KCNH2: variants seen among roughly 807,000 people sequenced by gnomAD.
The protein encoded by KCNH2 is voltage-gated inwardly rectifying potassium channel KCNH2.
KCNH2 carries 35 observed loss-of-function variants against 95.9 expected under a neutral mutation model. That is an observed-to-expected ratio of 0.37 (90% CI 0.28 to 0.48). The LOEUF (loss-of-function observed/expected upper bound fraction) is 0.48, where lower values mean the gene tolerates loss of function less well. KCNH2 is among the 20% of genes least tolerant of loss of function. KCNH2 has a pLI of 0.99. For synonymous variants in KCNH2, 786 were observed against 754.7 expected (o/e 1.04, Z -0.68); for missense variants, 1,274 against 1,702.9 (o/e 0.75, Z 4.43).
intron 5 of KCNH2, among the ~76,000 whole-genome samples, chr7:150,955,010 C>T (rs1563164382): frequency 1.3e-5 from 2 of 152,350 alleles, no homozygotes; most frequent in East Asian, 3.9e-4. Flanking sequence ...GGAGCCCCGG[C>T]GCCTCCATGC....
At chr7:150,963,669 G>T (rs1584871886) in intron 2 of KCNH2, among the ~76,000 whole-genome samples, 1 of 147,176 alleles carries the variant, frequency 6.8e-6, no homozygotes, top group East Asian at 2.0e-4. Flanking sequence ...GGTTCTCCCT[G>T]CCTGGCCCAG....
At chr7:150,966,454 A>G (rs1801710038) in intron 2 of KCNH2, among the ~76,000 whole-genome samples, 1 of 145,814 alleles carries the variant, frequency 6.9e-6, no homozygotes, top group African/African-American at 2.6e-5. Flanking sequence ...GCTAATGAAA[A>G]GCCCCCAGAA....
chr7:150,965,831 A>G (rs1270431203), intron 2 of KCNH2, among the ~76,000 whole-genome samples: 1 of 152,164 alleles, frequency 6.6e-6, no homozygotes, highest in Non-Finnish European at 1.5e-5. Context: ...ATCTGCAGTC[A>G]TAACAGGTGG....
chr7:150,955,843 G>A, intron 5 of KCNH2: 2 of 1,062,124 alleles, frequency 1.9e-6, no homozygotes, highest in Middle Eastern at 4.2e-4. Context: ...CCTTCTACCA[G>A]GTCCCCACCC....
chr7:150,958,206 T>G lies in KCNH2; in HGVS notation c.769A>C (p.Asn257His), dbSNP rs199472875. ...CAGCTGGAGCCCGAGGCGTCGGGGT[T>G]GAGGCTGTGCGCCCGGGGCGATGGG... Reference protein sequence around the residue: ...QLPSPRAHSLNPDASGSSCSL... With the variant: ...QLPSPRAHSLHPDASGSSCSL... The change falls in exon 4 of 15, where the codon AAC becomes CAC. Residue 257 changes from asparagine (N) to histidine (H), a missense_variant. By Grantham distance (68) the Asn-to-His change is moderately conservative. This residue lies in a region of KCNH2 where 392 missense variants were observed against 429.9 expected (regional missense o/e 0.91). Transcript: ENST00000262186. The G allele has an allele frequency of 1.5e-6, 2 of 1,372,336 alleles. No individual in the cohort carries two copies. Among genetic ancestry groups the G allele is most frequent in the African/African-American group, 3.0e-5 (2 of 66,036 alleles). The allele number at this position is 1,372,336 out of a possible 1,614,324, so 85.0% of individuals were successfully genotyped here.
chr7:150,968,181 G>A (rs368111298), intron 2 of KCNH2, among the ~76,000 whole-genome samples: 2 of 152,204 alleles, frequency 1.3e-5, no homozygotes, highest in Non-Finnish European at 2.9e-5. Context: ...TGAGAAGGAG[G>A]GTGATGACAG....
Position 150,952,527 on chromosome 7 carries a change from G to A in KCNH2, c.1455C>T (p.His485=). 1 of 1,614,178 alleles carries A rather than the reference G, an allele frequency of 6.2e-7. No homozygotes were observed. Among genetic ancestry groups the A allele is most frequent in the Non-Finnish European group, 8.5e-7 (1 of 1,180,034 alleles). ...YVNANEEVVS[H]PGRIAVHYFK... ...AGTAGTGGACGGCGATGCGGCCGGG[G>A]TGGCTGACCACCTCCTCGTTGGCAT... The change falls in exon 6 of 15, where the codon CAC becomes CAT. Residue 485 remains histidine, a synonymous_variant. Coordinates refer to ENST00000262186, the MANE Select transcript of KCNH2 (RefSeq NM_000238.4). The surrounding 1 kb of genome is among the most constrained non-coding windows in gnomAD (Gnocchi z 7.3).
intron 2 of KCNH2, among the ~76,000 whole-genome samples, chr7:150,966,337 C>A (rs1247274604): frequency 6.7e-6 from 1 of 150,320 alleles, no homozygotes; most frequent in Non-Finnish European, 1.5e-5. Context: ...TGCCATGAGT[C>A]ACAGCTTAAA....
intron 2 of KCNH2, among the ~76,000 whole-genome samples, chr7:150,963,607 A>T (rs1016150933): frequency 1.6e-4 from 2 of 12,676 alleles, no homozygotes; most frequent in African/African-American, 6.6e-4. Context: ...CCCCACTCCC[A>T]CCCCAGCCTC....
intron 5 of KCNH2, chr7:150,955,435 C>A: frequency 6.4e-7 from 1 of 1,566,484 alleles, no homozygotes; most frequent in East Asian, 2.4e-5. Flanking sequence ...CGGCCCGCCT[C>A]ACCCGGCCTT....
At chr7:150,977,644 T>C (rs1488922299) in intron 1 of KCNH2, among the ~76,000 whole-genome samples, 194 bp downstream of exon 1, 2 of 151,514 alleles carry the variant, frequency 1.3e-5, no homozygotes, top group Non-Finnish European at 2.9e-5. Context: ...CCCAAACCCT[T>C]TGGCCCGGTG....
Position 150,952,290 on chromosome 7 carries a change from C to T in KCNH2, c.1557+135G>A, listed in dbSNP as rs1055802896. 2.3e-6 allele frequency: 2 copies of T among 864,434 alleles called. No individual in the cohort carries two copies. Among genetic ancestry groups the T allele is most frequent in the Non-Finnish European group, 3.4e-6 (2 of 586,764 alleles). The allele number at this position is 864,434 out of a possible 1,614,324, so 53.5% of individuals were successfully genotyped here. On this transcript the variant is annotated intron_variant, in intron 6 of 14. Coordinates refer to ENST00000262186, the MANE Select transcript of KCNH2 (RefSeq NM_000238.4). The surrounding 1 kb of genome is among the most constrained non-coding windows in gnomAD (Gnocchi z 7.3). ...GCAGCTGCCTTGCCACCATGTCTCTCTCCCACTGTCTTTCTCTCTTTCTCT... is the reference window on the plus strand; with the variant it reads ...GCAGCTGCCTTGCCACCATGTCTCTTTCCCACTGTCTTTCTCTCTTTCTCT...
At chr7:150,974,303 G>C (rs1247795962) in intron 2 of KCNH2, among the ~76,000 whole-genome samples, 9 of 152,206 alleles carry the variant, frequency 5.9e-5, no homozygotes, top group Non-Finnish European at 1.3e-4. Flanking sequence ...AAGGTAGATA[G>C]GGGCCTGTGC....
In KCNH2 at chr7:150,948,117, C is replaced by A. The variant is rs962611331; in HGVS notation, c.2693-239G>T. Among the ~76,000 whole-genome samples, 43 of 152,364 alleles carry A rather than the reference C, an allele frequency of 2.8e-4. 1 individual carries two copies. The highest frequency in any genetic ancestry group is 2.5e-3 in the Admixed American group (39 of 15,308). On this transcript the variant is annotated intron_variant, in intron 11 of 14. Transcript: ENST00000262186. ...AGGGGTTGGCGGATCTCTGGGACTG[C>A]GGGGCCTCAGCCCCATCGTTGGCTC...
At position 150,947,657 on chromosome 7, in the gene KCNH2, G is replaced by T; in HGVS notation, c.2914C>A (p.Pro972Thr). 1.2e-6 allele frequency: 2 copies of T among 1,610,774 alleles called. No individual in the cohort carries two copies. Among genetic ancestry groups the T allele is most frequent in the Non-Finnish European group, 1.7e-6 (2 of 1,178,760 alleles). ...RPPGEPPGGE[P>T]LMEDCEKSSD... ...CTCTTCTCGCAGTCCTCCATCAGGG[G>T]CTCCCCACCCGGCGGCTCTCCGGGG... The change falls in exon 12 of 15, where the codon CCC becomes ACC. Residue 972 changes from proline to threonine, a missense_variant. Physicochemically the swap from Pro to Thr is conservative, Grantham distance 38. This residue lies in a region of KCNH2 where 457 missense variants were observed against 416.1 expected (regional missense o/e 1.10). Coordinates refer to ENST00000262186, the MANE Select transcript of KCNH2 (RefSeq NM_000238.4).
intron 9 of KCNH2, chr7:150,949,377 G>T: frequency 9.7e-7 from 1 of 1,030,572 alleles, no homozygotes; most frequent in Non-Finnish European, 1.2e-6. Context: ...TCAAACCAAA[G>T]ATCAGAACAC....
At chr7:150,955,345 G>A in intron 5 of KCNH2, 1 of 1,520,234 alleles carries the variant, frequency 6.6e-7, no homozygotes, top group Non-Finnish European at 8.9e-7. Flanking sequence ...CCAGCCACCT[G>A]CCTCAGTGTG....
intron 2 of KCNH2, among the ~76,000 whole-genome samples, chr7:150,972,297 C>T (rs1211145284): frequency 1.3e-5 from 2 of 152,234 alleles, no homozygotes; most frequent in African/African-American, 2.4e-5. Context: ...CAGGCAGAGA[C>T]CCTGAGAAAG....
chr7:150,947,304 C>T (rs2116927859), intron 13 of KCNH2, 24 bp downstream of exon 13: 1 of 1,529,136 alleles, frequency 6.5e-7, no homozygotes, highest in East Asian at 2.4e-5. Context: ...GGCGTGCCCC[C>T]CCACCCCACC....
Sources: gnomAD v4.1 joint callset for allele counts (sites outside exome capture counted in the v4.1 genomes callset) on GRCh38, gnomAD v4.1.1 for gene constraint, gnomAD v4.1.1 regional missense constraint, Gnocchi (gnomAD v3.1) non-coding constraint, MANE v1.5 for transcripts, NCBI Gene and HGNC (gene_info 2026-07-23, HGNC 2026-07-21) for gene names.